The following FNDC3B variants were observed in gnomAD, a reference collection of about 807,000 sequenced individuals.
FNDC3B encodes the protein fibronectin type III domain-containing protein 3B.
In FNDC3B, 12 loss-of-function variants were observed where a neutral mutation model predicts 151.5. The ratio of observed to expected loss-of-function variants is 0.08; its 90% CI spans 0.05 to 0.13. The LOEUF is 0.13. Among genes scored for constraint, FNDC3B ranks in the 10% least tolerant of loss-of-function variants. The pLI is 1.00. For synonymous variants in FNDC3B, 528 were observed against 549.0 expected (o/e 0.96, Z 0.54); for missense variants, 1,214 against 1,505.3 (o/e 0.81, Z 3.20).
At chr3:172,303,234 A>G (rs778113611) in intron 9 of FNDC3B, among the ~76,000 whole-genome samples, 1 of 152,188 alleles carries the variant, frequency 6.6e-6, no homozygotes, top group African/African-American at 2.4e-5. Flanking sequence ...CAGCGATAGG[A>G]TAATCAGTAA....
At chr3:172,064,982 C>T (rs1432675896) in intron 1 of FNDC3B, among the ~76,000 whole-genome samples, 2 of 152,082 alleles carry the variant, frequency 1.3e-5, no homozygotes, top group East Asian at 3.9e-4. Flanking sequence ...TATATGTGAC[C>T]CCATGTTTAT....
rs981615982 is a variant in FNDC3B at position 172,320,101 on chromosome 3, C to T, written c.1255-8851C>T. ...GGCTGTGGAAGAATCTGAAAGAGGC[C>T]GGGCTCAGTGGCTGACACCTGTAAC... is the stretch of plus-strand genomic sequence containing the variant. On this transcript the variant is annotated intron_variant, in intron 11 of 25. Coordinates refer to ENST00000415807, the MANE Select transcript of FNDC3B (RefSeq NM_022763.4). 1.4e-4 allele frequency among the ~76,000 whole-genome samples: 22 copies of T among 152,252 alleles called. No homozygotes were observed. The Middle Eastern group carries it at 0.01, about 71-fold the overall frequency.
In FNDC3B at chr3:172,397,676, T is replaced by TA. The variant is rs1483514555; in HGVS notation, c.*209dup. ...AAAGGTTAAACTGGATTTTTTTTTT[T>TA]AAAAAAAAGAAAAAAAAAGAAGAAA... On this transcript the variant is annotated 3_prime_UTR_variant, in exon 26 of 26. Transcript: ENST00000415807. The TA allele has an allele frequency of 1.9e-3, 633 of 330,030 alleles. 2 individuals are homozygous for TA. The highest frequency in any genetic ancestry group is 2.8e-3 in the Non-Finnish European group (512 of 185,904). 20.4% of individuals were successfully genotyped at this position (330,030 alleles called of 1,614,324 possible).
chr3:172,086,897 T>G (rs4894804), intron 1 of FNDC3B, among the ~76,000 whole-genome samples: 96,316 of 152,090 alleles, frequency 0.63, 30,718 homozygotes, highest in East Asian at 0.78. Context: ...TATTAGCATG[T>G]AGCAGAGTAT....
intron 2 of FNDC3B, among the ~76,000 whole-genome samples, chr3:172,128,977 CT>C (rs560624625): frequency 6.6e-6 from 1 of 151,820 alleles, no homozygotes; most frequent in Admixed American, 6.6e-5. Flanking sequence ...CCAGGAGGAG[CT>C]TTTTTTTGGG....
chr3:172,162,340 G>T (rs756684953), intron 3 of FNDC3B, among the ~76,000 whole-genome samples: 2 of 152,152 alleles, frequency 1.3e-5, no homozygotes, highest in African/African-American at 4.8e-5. Flanking sequence ...TTTATTGCCA[G>T]ATAATATTCC....
intron 3 of FNDC3B, among the ~76,000 whole-genome samples, chr3:172,210,665 CT>C (rs1725690883): frequency 6.6e-6 from 1 of 152,044 alleles, no homozygotes; most frequent in Non-Finnish European, 1.5e-5. Flanking sequence ...AAAATCTGCA[CT>C]TTTGTAGTAT....
Position 172,397,680 on chromosome 3 carries a change from A to G in FNDC3B, c.*205A>G. 1 of 242,204 alleles carries G rather than the reference A, an allele frequency of 4.1e-6. No homozygotes were observed. The highest frequency in any genetic ancestry group is 6.6e-6 in the Non-Finnish European group (1 of 151,290). 15.0% of individuals were successfully genotyped at this position (242,204 alleles called of 1,614,324 possible). A position where few individuals can be genotyped will look rare whatever the true frequency, so the allele number is the denominator to read the frequency against. On this transcript the variant is annotated 3_prime_UTR_variant, in exon 26 of 26. Coordinates refer to ENST00000415807, the MANE Select transcript of FNDC3B (RefSeq NM_022763.4). ...GTTAAACTGGATTTTTTTTTTTAAA[A>G]AAAAGAAAAAAAAAGAAGAAAAGTA...
At chr3:172,247,457 T>C in intron 4 of FNDC3B, 76 bp from the exon 5 acceptor site, 1 of 1,444,822 alleles carries the variant, frequency 6.9e-7, no homozygotes, top group Non-Finnish European at 9.4e-7. Context: ...AAAATTAAAG[T>C]GGAAGTTATT....
chr3:172,270,455 G>A lies in FNDC3B; in HGVS notation c.791-15471G>A, dbSNP rs74334267. 5.8e-4 allele frequency among the ~76,000 whole-genome samples: 88 copies of A among 152,212 alleles called. No homozygotes were observed. The East Asian group carries it at 0.013, about 23-fold the overall frequency. ...ACTTTCTCCAATTCTCTAACATGTG[G>A]GGCCCATTCTGCCCTAGTGCCTTTG... On this transcript the variant is annotated intron_variant, in intron 6 of 25. Coordinates refer to ENST00000415807, the MANE Select transcript of FNDC3B (RefSeq NM_022763.4).
chr3:172,075,423 C>T (rs1717958322), intron 1 of FNDC3B, among the ~76,000 whole-genome samples: 1 of 152,066 alleles, frequency 6.6e-6, no homozygotes, highest in Non-Finnish European at 1.5e-5. Flanking sequence ...ACCAAGTGGT[C>T]ACTTAGGTTT....
intron 6 of FNDC3B, among the ~76,000 whole-genome samples, chr3:172,282,892 T>A (rs1729810773): frequency 2.0e-5 from 3 of 152,242 alleles, no homozygotes; most frequent in Non-Finnish European, 4.4e-5. Flanking sequence ...CATTTGTTCC[T>A]TATATTCCTT....
chr3:172,380,923 A>T, intron 24 of FNDC3B, 43 bp from the exon 25 acceptor site: 1 of 1,606,394 alleles, frequency 6.2e-7, no homozygotes, highest in Non-Finnish European at 8.5e-7. Flanking sequence ...TATTAACATG[A>T]TACTTTGAAT....
chr3:172,168,840 G>A (rs1165982432), intron 3 of FNDC3B, among the ~76,000 whole-genome samples: 7 of 150,738 alleles, frequency 4.6e-5, no homozygotes, highest in African/African-American at 1.5e-4. Context: ...AGCCTCCCGA[G>A]TAGCTGGGAC....
At chr3:172,112,383 T>G in intron 1 of FNDC3B, 69 bp from the exon 2 acceptor site, 1 of 793,688 alleles carries the variant, frequency 1.3e-6, no homozygotes, top group South Asian at 1.4e-5. Context: ...GATTGTTATG[T>G]GACTTGTTGT....
At chr3:172,294,080 G>A (rs896067098) in intron 7 of FNDC3B, among the ~76,000 whole-genome samples, 16 of 152,292 alleles carry the variant, frequency 1.1e-4, no homozygotes, top group Middle Eastern at 3.4e-3. Flanking sequence ...CAGTTACAGC[G>A]TTAAAGTTTT....
chr3:172,320,151 A>T (rs1732010770), intron 11 of FNDC3B, among the ~76,000 whole-genome samples: 1 of 152,128 alleles, frequency 6.6e-6, no homozygotes, highest in East Asian at 1.9e-4. Flanking sequence ...AGGCCGAGGC[A>T]GGTGGATCAC....
At chr3:172,355,680 G>C (rs1222949497) in intron 22 of FNDC3B, among the ~76,000 whole-genome samples, 1 of 152,222 alleles carries the variant, frequency 6.6e-6, no homozygotes, top group East Asian at 1.9e-4. Flanking sequence ...CCCTACACCT[G>C]TAGGCCGCAA....
intron 19 of FNDC3B, among the ~76,000 whole-genome samples, chr3:172,345,306 G>A (rs1712530814): frequency 2.0e-5 from 3 of 152,156 alleles, no homozygotes; most frequent in Non-Finnish European, 4.4e-5. Flanking sequence ...GGATAGTGAT[G>A]AGCACACTGT....
Sources: gnomAD v4.1 joint callset for allele counts (sites outside exome capture counted in the v4.1 genomes callset) on GRCh38, gnomAD v4.1.1 for gene constraint, MANE v1.5 for transcripts, NCBI Gene and HGNC (gene_info 2026-07-23, HGNC 2026-07-21) for gene names.